The following PALS1 variants were observed in gnomAD, a reference collection of about 807,000 sequenced individuals.
The protein encoded by PALS1 is protein PALS1.
In PALS1, 31 loss-of-function variants were observed where a neutral mutation model predicts 78.9. The observed-to-expected ratio is 0.39, with a 90% CI of 0.30 to 0.53. The LOEUF is 0.53. PALS1 is among the 20% of genes least tolerant of loss of function. The pLI is 0.67. For synonymous variants in PALS1, 276 were observed against 270.9 expected, an observed-to-expected ratio of 1.02 and a Z score of -0.18; for missense variants, 704 against 826.5, an observed-to-expected ratio of 0.85 and a Z score of 1.82.
chr14:67,308,975 C>G (rs2146229), intron 8 of PALS1, among the ~76,000 whole-genome samples: 23,831 of 151,800 alleles, frequency 0.16, 3,552 homozygotes, highest in East Asian at 0.42. Flanking sequence ...TTCATCATTA[C>G]GACTTCAAAT....
At chr14:67,254,295 C>T (rs1477663451) in intron 1 of PALS1, 2 of 151,064 alleles carry the variant, frequency 1.3e-5, no homozygotes, top group Admixed American at 6.6e-5. Flanking sequence ...GGGTACTCGC[C>T]TTGTTGAATG....
chr14:67,329,570 A>G (rs2085411122), intron 14 of PALS1, among the ~76,000 whole-genome samples: 1 of 152,162 alleles, frequency 6.6e-6, no homozygotes, highest in Non-Finnish European at 1.5e-5. Flanking sequence ...TTCAAAGGGA[A>G]TGCTTCCAGT....
At chr14:67,258,838 C>T (rs901369350) in intron 1 of PALS1, among the ~76,000 whole-genome samples, 2 of 151,896 alleles carry the variant, frequency 1.3e-5, no homozygotes, top group African/African-American at 4.8e-5. Context: ...GAAATATGTT[C>T]GGATGATTTT....
intron 14 of PALS1, among the ~76,000 whole-genome samples, chr14:67,325,961 A>ACCACAC (rs1039711094): frequency 1.4e-5 from 2 of 145,674 alleles, no homozygotes; most frequent in African/African-American, 5.1e-5. Context: ...GGCACCTGCC[A>ACCACAC]CCACACCCGG....
chr14:67,316,679 A>T (rs1013013926), intron 9 of PALS1, among the ~76,000 whole-genome samples, 153 bp from the exon 10 acceptor site: 6 of 152,212 alleles, frequency 3.9e-5, no homozygotes, highest in African/African-American at 1.4e-4. Flanking sequence ...AGGCTTACAC[A>T]TCATAGCTGA....
chr14:67,296,298 T>C, intron 4 of PALS1, among the ~76,000 whole-genome samples: 1 of 152,094 alleles, frequency 6.6e-6, no homozygotes, highest in Admixed American at 6.5e-5. Context: ...TAGGACTTAA[T>C]GTTAAAAGAT....
At chr14:67,283,326 A>G (rs1197672866) in intron 3 of PALS1, among the ~76,000 whole-genome samples, 1 of 152,228 alleles carries the variant, frequency 6.6e-6, no homozygotes, top group Non-Finnish European at 1.5e-5. Flanking sequence ...GACATTTTAA[A>G]GTAAAATAGC....
At chr14:67,327,840 AG>A (rs1213142458) in intron 14 of PALS1, among the ~76,000 whole-genome samples, 1 of 152,234 alleles carries the variant, frequency 6.6e-6, no homozygotes, top group African/African-American at 2.4e-5. Context: ...TTGGCTGCAT[AG>A]TATTCCATGG....
At chr14:67,285,643 C>T (rs892207319) in intron 3 of PALS1, among the ~76,000 whole-genome samples, 2 of 152,138 alleles carry the variant, frequency 1.3e-5, no homozygotes, top group South Asian at 2.1e-4. Flanking sequence ...ACTGGGATTA[C>T]AGGTGTGAGC....
Position 67,303,597 on chromosome 14 carries a change from G to C in PALS1, c.1039G>C (p.Val347Leu), listed in dbSNP as rs764233216. ...QIKPPPAKET[V>L]IHVKAHFDYD... Reference sequence around the variant, plus strand: ...CAAGCCGCCTCCTGCCAAGGAAACAGTAGTAAGTGATTTTTAAATGTTCAT... The same window carrying C: ...CAAGCCGCCTCCTGCCAAGGAAACACTAGTAAGTGATTTTTAAATGTTCAT... The change falls in exon 8 of 15, where the codon GTA becomes CTA. Residue 347 changes from valine to leucine, a missense_variant and splice_region_variant. By Grantham distance (32) the Val-to-Leu change is conservative (BLOSUM62 1). Coordinates refer to ENST00000261681, the MANE Select transcript of PALS1 (RefSeq NM_022474.4). The C allele has an allele frequency of 6.2e-7, 1 of 1,610,406 alleles. No individual in the cohort carries two copies. Among genetic ancestry groups the C allele is most frequent in the South Asian group, 1.1e-5 (1 of 91,000 alleles).
chr14:67,331,084 G>A (rs1012949078), intron 14 of PALS1, among the ~76,000 whole-genome samples: 12 of 151,856 alleles, frequency 7.9e-5, no homozygotes, highest in South Asian at 2.1e-4. Context: ...TCACTCTGTC[G>A]CCCAGGCTGG....
intron 2 of PALS1, among the ~76,000 whole-genome samples, chr14:67,274,740 C>G (rs1336917833): frequency 6.6e-6 from 1 of 152,072 alleles, no homozygotes; most frequent in Non-Finnish European, 1.5e-5. Flanking sequence ...GATATTGATT[C>G]TTCCCATCCA....
Position 67,302,214 on chromosome 14 carries a change from A to G in PALS1, c.801+96A>G, listed in dbSNP as rs542814296. 44 of 1,332,596 alleles carry G rather than the reference A, an allele frequency of 3.3e-5. No individual in the cohort carries two copies. In the Admixed American group the frequency reaches 9.2e-4, roughly 28 times the overall value. The allele number at this position is 1,332,596 out of a possible 1,614,324, so 82.5% of individuals were successfully genotyped here. A position where few individuals can be genotyped will look rare whatever the true frequency, so the allele number is the denominator to read the frequency against. ...ATTTCAGAATTCTAATGAATAGAGT[A>G]TTTCTGAAGCAGAAAGTGTGGGGGA... On this transcript the variant is annotated intron_variant, in intron 6 of 14. Transcript: ENST00000261681.
At chr14:67,261,954 G>C (rs2084245154) in intron 1 of PALS1, among the ~76,000 whole-genome samples, 1 of 152,086 alleles carries the variant, frequency 6.6e-6, no homozygotes, top group Non-Finnish European at 1.5e-5. Flanking sequence ...AAAAAAGGAT[G>C]GGATTTTGAA....
chr14:67,301,814 T>G (rs973319717), intron 5 of PALS1, among the ~76,000 whole-genome samples, 158 bp from the exon 6 acceptor site: 1 of 152,216 alleles, frequency 6.6e-6, no homozygotes, highest in African/African-American at 2.4e-5. Context: ...TTCCAGAGTA[T>G]GCCCTTAGTA....
At chr14:67,251,011 C>A (rs1231652161) in intron 1 of PALS1, among the ~76,000 whole-genome samples, 2 of 152,114 alleles carry the variant, frequency 1.3e-5, no homozygotes, top group East Asian at 3.9e-4. Flanking sequence ...TGTCAGCATT[C>A]TTCTTTTTAC....
chr14:67,247,701 T>C (rs2084007448), intron 1 of PALS1, among the ~76,000 whole-genome samples: 3 of 152,036 alleles, frequency 2.0e-5, no homozygotes, highest in Admixed American at 1.3e-4. Flanking sequence ...TCTCAGCCTC[T>C]TGAGTAGCTG....
At chr14:67,289,478 G>A (rs917454685) in intron 3 of PALS1, among the ~76,000 whole-genome samples, 2 of 152,040 alleles carry the variant, frequency 1.3e-5, no homozygotes, top group Non-Finnish European at 1.5e-5. Flanking sequence ...TTTTCTGTCT[G>A]TGGGAGGTCT....
chr14:67,286,862 A>C (rs1022326761), intron 3 of PALS1, among the ~76,000 whole-genome samples: 1 of 151,018 alleles, frequency 6.6e-6, no homozygotes, highest in African/African-American at 2.4e-5. Flanking sequence ...TCTCAAAAAA[A>C]AAAAAAAAAA....
Sources: gnomAD v4.1 joint callset for allele counts (sites outside exome capture counted in the v4.1 genomes callset) on GRCh38, gnomAD v4.1.1 for gene constraint, MANE v1.5 for transcripts, NCBI Gene and HGNC (gene_info 2026-07-23, HGNC 2026-07-21) for gene names.